Variants in TASP1 observed in about 807,000 individuals in gnomAD.
TASP1 encodes taspase 1, also known as threonine aspartase 1.
TASP1 carries 16 observed loss-of-function variants against 56.6 expected under a neutral mutation model. That is an observed-to-expected ratio of 0.28 (90% confidence interval 0.19 to 0.43). TASP1 has a LOEUF of 0.43. Ranked by LOEUF, TASP1 falls within the 20% of genes least tolerant of loss-of-function variation. The pLI is 1.00. For synonymous variants in TASP1, 179 were observed against 184.2 expected (o/e 0.97, Z 0.23); for missense variants, 393 against 511.6 (o/e 0.77, Z 2.24).
the TASP1 span, among the ~76,000 whole-genome samples, chr20:13,114,802 G>C: frequency 2.6e-5 from 4 of 152,174 alleles, no homozygotes; most frequent in African/African-American, 9.7e-5. Flanking sequence ...CACCATGTGA[G>C]TTAGCTAGCC....
chr20:13,450,987 T>C (rs920058015), intron 11 of TASP1, among the ~76,000 whole-genome samples: 17 of 152,222 alleles, frequency 1.1e-4, no homozygotes, highest in Non-Finnish European at 2.1e-4. Flanking sequence ...AGTTTCAGTA[T>C]GGATATTATG....
the TASP1 span, among the ~76,000 whole-genome samples, chr20:13,303,323 T>A: frequency 6.6e-6 from 1 of 152,354 alleles, no homozygotes; most frequent in South Asian, 2.1e-4. Flanking sequence ...TTTATCTCTA[T>A]GTATTTTGCC....
chr20:13,217,691 AC>A, the TASP1 span, among the ~76,000 whole-genome samples: 5 of 152,224 alleles, frequency 3.3e-5, no homozygotes, highest in Non-Finnish European at 5.9e-5. Context: ...TGGGGTATAA[AC>A]AAATACCAGA....
the TASP1 span, among the ~76,000 whole-genome samples, chr20:13,285,059 G>A: frequency 1.3e-5 from 2 of 152,212 alleles, no homozygotes; most frequent in African/African-American, 4.8e-5. Flanking sequence ...GGCCAAGGCA[G>A]GAGGATTGCC....
chr20:13,623,473 T>C lies in TASP1; in HGVS notation c.255A>G (p.Ala85=), dbSNP rs1172744464. The change falls in exon 4 of 14, where the codon GCA becomes GCG. Residue 85 remains alanine (A), a synonymous_variant. Coordinates refer to ENST00000337743, the MANE Select transcript of TASP1 (RefSeq NM_017714.3). The stretch of plus-strand genomic sequence containing the variant: ...CAAGTTCCACCAGTGCTGCAGTGAC[T>C]GCGTCAGTTGCAAGAGCACCGGCCT... The part of the protein sequence containing the change: ...KLQAGALATD[A]VTAALVELED... 1 of 1,609,826 alleles carries C rather than the reference T, an allele frequency of 6.2e-7. No homozygotes were observed. Among genetic ancestry groups the C allele is most frequent in the East Asian group, 2.2e-5 (1 of 44,804 alleles).
At chr20:13,630,812 A>G (rs2049060393) in intron 1 of TASP1, among the ~76,000 whole-genome samples, 1 of 151,998 alleles carries the variant, frequency 6.6e-6, no homozygotes, top group South Asian at 2.1e-4. Context: ...CACACTCTAC[A>G]TCCCAGTGTT....
chr20:13,310,262 A>G, the TASP1 span, among the ~76,000 whole-genome samples: 1 of 152,238 alleles, frequency 6.6e-6, no homozygotes, highest in Non-Finnish European at 1.5e-5. Context: ...AGAGCTCCAA[A>G]GTAAATCTAC....
chr20:13,343,774 G>T, the TASP1 span, among the ~76,000 whole-genome samples: 1 of 152,192 alleles, frequency 6.6e-6, no homozygotes, highest in African/African-American at 2.4e-5. Flanking sequence ...TTGGCTGCGG[G>T]TCTCCCAGCA....
At chr20:13,391,722 C>T (rs911732339) in intron 13 of TASP1, among the ~76,000 whole-genome samples, 73 of 152,072 alleles carry the variant, frequency 4.8e-4, no homozygotes, top group Non-Finnish European at 9.9e-4. Flanking sequence ...AATCCCAGCA[C>T]TTTGGGAGGC....
chr20:13,132,886 G>A, the TASP1 span: 2 of 152,424 alleles, frequency 1.3e-5, no homozygotes, highest in African/African-American at 4.8e-5. Context: ...CTATTCCGCT[G>A]GCTTCCCATC....
the TASP1 span, among the ~76,000 whole-genome samples, chr20:13,245,924 G>A: frequency 2.6e-5 from 4 of 152,214 alleles, no homozygotes; most frequent in Admixed American, 6.5e-5. Flanking sequence ...CGCCCACTCC[G>A]ATGTTCTTTG....
At chr20:13,225,712 T>G in the TASP1 span, among the ~76,000 whole-genome samples, 1 of 152,324 alleles carries the variant, frequency 6.6e-6, no homozygotes. Flanking sequence ...TAGTAAGAAA[T>G]GAGAAAACTA....
At chr20:13,270,658 A>G in the TASP1 span, 1 of 1,613,896 alleles carries the variant, frequency 6.2e-7, no homozygotes, top group Non-Finnish European at 8.5e-7. Flanking sequence ...TTGCAAAGAG[A>G]TTTCCCCAGA....
rs527687158 is a variant in TASP1, at chr20:13,535,014, A to G, written c.676-873T>C. On this transcript the variant is annotated intron_variant, in intron 8 of 13. Coordinates refer to ENST00000337743, the MANE Select transcript of TASP1 (RefSeq NM_017714.3). ...GTAGTCATGGTGGTGTTCTTATGCT[A>G]GGGCATTGGTTTTCAAACCTTGCCC... is the stretch of plus-strand genomic sequence containing the variant. Among the ~76,000 whole-genome samples, 26 of 152,284 alleles carry G rather than the reference A, an allele frequency of 1.7e-4. No homozygotes were observed. The East Asian group carries it at 5.0e-3, about 29-fold the overall frequency.
At chr20:13,221,497 G>A in the TASP1 span, among the ~76,000 whole-genome samples, 1 of 144,008 alleles carries the variant, frequency 6.9e-6, no homozygotes, top group African/African-American at 2.5e-5. Flanking sequence ...GCAGCGCCGG[G>A]GCTTGCTCCG....
the TASP1 span, among the ~76,000 whole-genome samples, chr20:13,377,284 G>A: frequency 6.6e-6 from 1 of 152,152 alleles, no homozygotes; most frequent in Non-Finnish European, 1.5e-5. Flanking sequence ...TAGCACGAAG[G>A]GCTGTTGAAT....
At chr20:13,311,463 T>C in the TASP1 span, among the ~76,000 whole-genome samples, 3 of 152,242 alleles carry the variant, frequency 2.0e-5, 1 homozygote, top group South Asian at 4.1e-4. Flanking sequence ...TAAATCAGTA[T>C]GTGAAAGAGA....
chr20:13,106,005 A>G, the TASP1 span, among the ~76,000 whole-genome samples: 1 of 152,330 alleles, frequency 6.6e-6, no homozygotes, highest in Non-Finnish European at 1.5e-5. Context: ...AAAATTTCAA[A>G]ACAAGAAAGC....
intron 13 of TASP1, among the ~76,000 whole-genome samples, chr20:13,409,701 GAC>G (rs1382637380): frequency 6.6e-5 from 10 of 150,690 alleles, no homozygotes; most frequent in Admixed American, 6.6e-5. Context: ...TCATTTTATT[GAC>G]ACATAATATT....
Sources: gnomAD v4.1 joint callset for allele counts (sites outside exome capture counted in the v4.1 genomes callset) on GRCh38, gnomAD v4.1.1 for gene constraint, MANE v1.5 for transcripts, NCBI Gene and HGNC (gene_info 2026-07-23, HGNC 2026-07-21) for gene names.